The following PCDH7 variants were observed in gnomAD, a reference collection of about 807,000 sequenced individuals.
The protein encoded by PCDH7 is protocadherin-7.
A neutral mutation model predicts 58.9 loss-of-function variants in PCDH7; 17 were observed. The ratio of observed to expected loss-of-function variants is 0.29; its 90% CI spans 0.20 to 0.43. The LOEUF (loss-of-function observed/expected upper bound fraction) is 0.43, where lower values mean the gene tolerates loss of function less well. Among genes scored for constraint, PCDH7 ranks in the 20% least tolerant of loss-of-function variants. The pLI is 1.00. For missense variants in PCDH7, 1,274 were observed against 1,441.0 expected (o/e 0.88, Z 1.88); for synonymous variants, 664 against 616.4 (o/e 1.08, Z -1.14).
At chr4:30,972,993 G>A (rs1420642726) in intron 3 of PCDH7, among the ~76,000 whole-genome samples, 4 of 152,160 alleles carry the variant, frequency 2.6e-5, no homozygotes, top group African/African-American at 9.7e-5. Flanking sequence ...ATGTTACTAA[G>A]AGACGTGAAG....
At chr4:30,850,457 G>GA (rs979858553) in intron 1 of PCDH7, among the ~76,000 whole-genome samples, 2 of 151,952 alleles carry the variant, frequency 1.3e-5, no homozygotes, top group African/African-American at 2.4e-5. Flanking sequence ...TATTATACAT[G>GA]AAAAAAACTG....
intron 1 of PCDH7, among the ~76,000 whole-genome samples, chr4:30,762,803 T>C (rs1720194738): frequency 6.6e-6 from 1 of 152,194 alleles, no homozygotes; most frequent in South Asian, 2.1e-4. Flanking sequence ...CAAACAAACA[T>C]GGTATTTCTC....
intron 3 of PCDH7, among the ~76,000 whole-genome samples, chr4:31,126,237 C>A (rs75715433): frequency 0.066 from 9,966 of 151,480 alleles, 372 homozygotes; most frequent in South Asian, 0.11. Flanking sequence ...GATTCTCATG[C>A]CCCTGCTGCC....
Position 30,722,319 on chromosome 4 carries a change from C to T in PCDH7, c.897C>T (p.Thr299=), listed in dbSNP as rs762683666. ...AGGCCATCCTACGGGTCCTCATCAC[C>T]GACGTGAACGACAACAGCCCCCGCT... The change falls in exon 1 of 2, where the codon ACC becomes ACT. Residue 299 remains threonine (T), a synonymous_variant. Coordinates refer to ENST00000361762, the Ensembl canonical transcript of PCDH7. This position sits in a 1 kb window ranked among gnomAD's most constrained non-coding sequence, Gnocchi z 7.6. 2 of 1,609,844 alleles carry T rather than the reference C, an allele frequency of 1.2e-6. No homozygotes were observed. Among genetic ancestry groups the T allele is most frequent in the Non-Finnish European group, 1.7e-6 (2 of 1,178,920 alleles).
At chr4:30,854,683 G>A (rs1044318367) in intron 1 of PCDH7, among the ~76,000 whole-genome samples, 4 of 152,074 alleles carry the variant, frequency 2.6e-5, no homozygotes, top group South Asian at 4.1e-4. Context: ...TGCAGCAAAA[G>A]CAAAACTACC....
chr4:31,121,668 G>A (rs1325724064), intron 3 of PCDH7, among the ~76,000 whole-genome samples: 1 of 152,054 alleles, frequency 6.6e-6, no homozygotes, highest in Non-Finnish European at 1.5e-5. Flanking sequence ...GTCCAAATAA[G>A]AACAAGTTTG....
intron 3 of PCDH7, among the ~76,000 whole-genome samples, chr4:31,031,463 G>A (rs1313050968): frequency 6.6e-6 from 1 of 152,204 alleles, no homozygotes; most frequent in South Asian, 2.1e-4. Flanking sequence ...GGGAAATTCT[G>A]TGTGGTCTAG....
intron 3 of PCDH7, among the ~76,000 whole-genome samples, chr4:31,094,283 T>C (rs921105079): frequency 2.0e-5 from 3 of 151,934 alleles, no homozygotes; most frequent in Non-Finnish European, 2.9e-5. Context: ...CAACAATCTC[T>C]AGAACAGAAA....
chr4:30,754,861 G>A (rs1326466341), intron 1 of PCDH7, among the ~76,000 whole-genome samples: 3 of 152,120 alleles, frequency 2.0e-5, no homozygotes, highest in Non-Finnish European at 4.4e-5. Context: ...TATTCAGATG[G>A]CTTAAACAAT....
intron 3 of PCDH7, among the ~76,000 whole-genome samples, chr4:31,052,606 A>C (rs1756845452): frequency 6.6e-6 from 1 of 152,150 alleles, no homozygotes; most frequent in Admixed American, 6.6e-5. Flanking sequence ...TTAAGAAATA[A>C]AAATATAGTA....
At chr4:31,129,779 C>G (rs1718748305) in intron 3 of PCDH7, among the ~76,000 whole-genome samples, 1 of 151,984 alleles carries the variant, frequency 6.6e-6, no homozygotes, top group Admixed American at 6.6e-5. Context: ...ATTACAGGTG[C>G]CACCACACCC....
chr4:30,969,947 T>C (rs1272579177), intron 3 of PCDH7, among the ~76,000 whole-genome samples: 1 of 152,178 alleles, frequency 6.6e-6, no homozygotes, highest in East Asian at 1.9e-4. Context: ...TACCACTTCC[T>C]GTGTACCAGA....
chr4:30,848,382 A>G (rs1374127932), intron 1 of PCDH7, among the ~76,000 whole-genome samples: 1 of 152,154 alleles, frequency 6.6e-6, no homozygotes, highest in Non-Finnish European at 1.5e-5. Flanking sequence ...TAATTTTAAT[A>G]TGTATTTACC....
chr4:31,015,845 G>GT (rs1753566053), intron 3 of PCDH7, among the ~76,000 whole-genome samples: 1 of 152,048 alleles, frequency 6.6e-6, no homozygotes, highest in Admixed American at 6.5e-5. Context: ...GATCACTTTT[G>GT]TAAGTACAGA....
rs752385550 is a variant in PCDH7 at position 30,721,463 on chromosome 4, G to T, written c.41G>T (p.Cys14Phe). Residue 14 changes from cysteine to phenylalanine, a missense_variant, in exon 1 of 2, where the codon TGC (cysteine) becomes TTC (phenylalanine). Physicochemically the swap from Cys to Phe is radical, Grantham distance 205. Transcript: ENST00000361762. This position sits in a 1 kb window ranked among gnomAD's most constrained non-coding sequence, Gnocchi z 6.7. Reference sequence around the variant, plus strand: ...ACCGCGGGATGGGCGCGCGGCTGGTGCTTGGGCTGCTGCCTCCTCCTGCCG... The same window carrying T: ...ACCGCGGGATGGGCGCGCGGCTGGTTCTTGGGCTGCTGCCTCCTCCTGCCG... 7.6e-6 allele frequency: 12 copies of T among 1,570,604 alleles called. No individual in the cohort carries two copies. The highest frequency in any genetic ancestry group is 1.7e-4 in the Middle Eastern group (1 of 5,934).
chr4:30,984,712 A>G (rs1750829495), intron 3 of PCDH7, among the ~76,000 whole-genome samples: 1 of 152,136 alleles, frequency 6.6e-6, no homozygotes, highest in Non-Finnish European at 1.5e-5. Context: ...TTCTATGACA[A>G]TGAAATTTCC....
chr4:30,985,772 G>A lies in PCDH7; in HGVS notation c.*7+35557G>A, dbSNP rs920986591. On this transcript the variant is annotated intron_variant, in intron 3 of 3. Transcript: ENST00000509759. ...AAACCTATGACTTAATCCTTGCTTT[G>A]CACAGGGATGTATGGCCCGGAGTAA... Among the ~76,000 whole-genome samples, 14 of 152,236 alleles carry A rather than the reference G, an allele frequency of 9.2e-5. 1 individual carries two copies. Among genetic ancestry groups the A allele is most frequent in the Middle Eastern group, 3.4e-3 (1 of 294 alleles).
At chr4:30,804,506 T>C (rs1256304001) in intron 1 of PCDH7, among the ~76,000 whole-genome samples, 4 of 147,918 alleles carry the variant, frequency 2.7e-5, no homozygotes, top group Admixed American at 2.1e-4. Flanking sequence ...GCCACTGCAC[T>C]CCAACCTGGC....
intron 1 of PCDH7, among the ~76,000 whole-genome samples, chr4:30,811,545 G>A (rs977014220): frequency 2.0e-5 from 3 of 152,112 alleles, no homozygotes; most frequent in Non-Finnish European, 4.4e-5. Flanking sequence ...GATGTTGGAG[G>A]GAAGCAACTG....
Sources: gnomAD v4.1 joint callset for allele counts (sites outside exome capture counted in the v4.1 genomes callset) on GRCh38, gnomAD v4.1.1 for gene constraint, Gnocchi (gnomAD v3.1) non-coding constraint, MANE v1.5 for transcripts, NCBI Gene and HGNC (gene_info 2026-07-23, HGNC 2026-07-21) for gene names.